GPR39: variants seen among roughly 807,000 people sequenced by gnomAD.
GPR39 encodes zinc sensing receptor.
Under a neutral mutation model 18.4 loss-of-function variants are expected in GPR39, and 23 were observed. That is an observed-to-expected ratio of 1.25 (90% CI 0.90 to 1.77). The LOEUF (loss-of-function observed/expected upper bound fraction) is 1.77, where lower values mean the gene tolerates loss of function less well. GPR39 is among the 40% of genes most tolerant of loss of function. The pLI, the probability that GPR39 is intolerant of heterozygous loss-of-function variation, is 0.00. For synonymous variants in GPR39, 280 were observed against 257.9 expected, an observed-to-expected ratio of 1.09 and a Z score of -0.82; for missense variants, 647 against 602.4, an observed-to-expected ratio of 1.07 and a Z score of -0.78.
In GPR39 at chr2:132,489,585, C is replaced by A. The variant is rs575408969; in HGVS notation, c.856+71687C>A. ...GACTCATCAGTGTGGCTGCAGGTACCGGGTAAGGAAAACCTTGGGTATGCA... is the reference window on the plus strand; with the variant it reads ...GACTCATCAGTGTGGCTGCAGGTACAGGGTAAGGAAAACCTTGGGTATGCA... On this transcript the variant is annotated intron_variant, in intron 1 of 1. Transcript: ENST00000329321. 3.7e-4 allele frequency among the ~76,000 whole-genome samples: 56 copies of A among 152,026 alleles called. No individual in the cohort carries two copies. In the South Asian group the frequency reaches 3.9e-3, roughly 11 times the overall value.
chr2:132,529,009 AGACAGTGGGTGCAG>A (rs1385656745), intron 1 of GPR39, among the ~76,000 whole-genome samples: 4 of 152,256 alleles, frequency 2.6e-5, no homozygotes, highest in South Asian at 2.1e-4. Flanking sequence ...GGGGAGTGCC[AGACAGTGGGTGCAG>A]GACAGTGGGT....
chr2:132,553,365 A>ATGTATATG (rs1227648049), intron 1 of GPR39, among the ~76,000 whole-genome samples: 3 of 150,214 alleles, frequency 2.0e-5, no homozygotes, highest in Non-Finnish European at 4.4e-5. Context: ...ATATGTATAT[A>ATGTATATG]TGTATATATG....
intron 1 of GPR39, among the ~76,000 whole-genome samples, chr2:132,569,634 TG>T (rs1406148625): frequency 1.6e-4 from 16 of 97,592 alleles, no homozygotes; most frequent in South Asian, 1.0e-3. Context: ...GCAGTGGGGG[TG>T]GGGGGGGTCC....
At chr2:132,471,658 T>G (rs181671355) in intron 1 of GPR39, among the ~76,000 whole-genome samples, 6 of 151,718 alleles carry the variant, frequency 4.0e-5, no homozygotes, top group African/African-American at 1.5e-4. Context: ...AGGAGTTTTT[T>G]TTTTTTTTTT....
chr2:132,480,894 G>T (rs183124257), intron 1 of GPR39, among the ~76,000 whole-genome samples: 1 of 152,032 alleles, frequency 6.6e-6, no homozygotes, highest in Admixed American at 6.6e-5. Flanking sequence ...CTTGCTCAAT[G>T]GTTTATCCCT....
chr2:132,474,387 TA>T (rs1255249185), intron 1 of GPR39, among the ~76,000 whole-genome samples: 1 of 152,166 alleles, frequency 6.6e-6, no homozygotes, highest in Non-Finnish European at 1.5e-5. Context: ...AGCCCTGTTC[TA>T]GGAAGTAATA....
intron 1 of GPR39, among the ~76,000 whole-genome samples, chr2:132,468,635 A>G (rs1558807168): frequency 6.6e-6 from 1 of 152,210 alleles, no homozygotes; most frequent in Non-Finnish European, 1.5e-5. Flanking sequence ...ACCTTTGCCC[A>G]AAGGGTTTTA....
At chr2:132,422,679 T>C (rs956568564) in intron 1 of GPR39, among the ~76,000 whole-genome samples, 1 of 152,080 alleles carries the variant, frequency 6.6e-6, no homozygotes, top group Non-Finnish European at 1.5e-5. Flanking sequence ...CAGAAAAAAG[T>C]TTTGCCTCAA....
At chr2:132,586,782 G>C (rs1048164793) in intron 1 of GPR39, among the ~76,000 whole-genome samples, 8 of 152,230 alleles carry the variant, frequency 5.3e-5, no homozygotes, top group Non-Finnish European at 1.0e-4. Context: ...GTCTGAGATT[G>C]TAGATATGTG....
chr2:132,528,666 A>G (rs1679555012), intron 1 of GPR39, among the ~76,000 whole-genome samples: 1 of 152,104 alleles, frequency 6.6e-6, no homozygotes, highest in South Asian at 2.1e-4. Context: ...TATAGGCTGT[A>G]TTCCTAGGTA....
intron 1 of GPR39, among the ~76,000 whole-genome samples, chr2:132,595,459 A>G (rs1369332521): frequency 1.3e-5 from 2 of 152,048 alleles, no homozygotes; most frequent in Non-Finnish European, 2.9e-5. Flanking sequence ...GTTGTAACCT[A>G]CAAGTCCTTG....
intron 1 of GPR39, among the ~76,000 whole-genome samples, chr2:132,527,642 G>A (rs527950377): frequency 7.2e-5 from 11 of 152,196 alleles, no homozygotes; most frequent in Non-Finnish European, 1.3e-4. Context: ...TCTGACTGCT[G>A]TGAGATGGTA....
At chr2:132,478,938 CT>C (rs201697126) in intron 1 of GPR39, among the ~76,000 whole-genome samples, 31 of 144,108 alleles carry the variant, frequency 2.2e-4, no homozygotes, top group Admixed American at 4.9e-4. Context: ...GCATTCAAAG[CT>C]TTTTTTTTTT....
chr2:132,531,425 G>C (rs1334861860), intron 1 of GPR39, among the ~76,000 whole-genome samples: 2 of 151,810 alleles, frequency 1.3e-5, no homozygotes, highest in East Asian at 1.9e-4. Flanking sequence ...ACATCCCACT[G>C]TCAACATTAG....
intron 1 of GPR39, chr2:132,433,846 A>G (rs537937023): frequency 6.6e-6 from 1 of 151,530 alleles, no homozygotes; most frequent in Non-Finnish European, 1.5e-5. Context: ...ATGTTGGTGC[A>G]GGATTGCTAT....
chr2:132,636,113 C>T (rs1681750795), intron 1 of GPR39, among the ~76,000 whole-genome samples: 1 of 152,198 alleles, frequency 6.6e-6, no homozygotes, highest in African/African-American at 2.4e-5. Context: ...TACTTTCTTG[C>T]CTTTAGTCCT....
At chr2:132,465,851 G>A (rs1239061555) in intron 1 of GPR39, among the ~76,000 whole-genome samples, 2 of 152,176 alleles carry the variant, frequency 1.3e-5, no homozygotes, top group East Asian at 3.9e-4. Flanking sequence ...GTAAAATGAG[G>A]TGGTGTATAT....
intron 1 of GPR39, among the ~76,000 whole-genome samples, chr2:132,603,548 G>C (rs1681082640): frequency 6.6e-6 from 1 of 152,142 alleles, no homozygotes; most frequent in African/African-American, 2.4e-5. Context: ...AAAGAAATGA[G>C]AAATGTTTGA....
At chr2:132,417,947 C>G (rs758342280) in intron 1 of GPR39, 49 bp downstream of exon 1, 1 of 1,530,910 alleles carries the variant, frequency 6.5e-7, no homozygotes, top group Admixed American at 1.8e-5. Context: ...CAACCTTCCC[C>G]CACGACCCGT....
Sources: gnomAD v4.1 joint callset for allele counts (sites outside exome capture counted in the v4.1 genomes callset) on GRCh38, gnomAD v4.1.1 for gene constraint, MANE v1.5 for transcripts, NCBI Gene and HGNC (gene_info 2026-07-23, HGNC 2026-07-21) for gene names.